ADGRL1: variants seen among roughly 807,000 people sequenced by gnomAD.
ADGRL1 encodes the protein adhesion G protein-coupled receptor L1.
ADGRL1 carries 31 observed loss-of-function variants against 148.9 expected under a neutral mutation model. The observed-to-expected ratio is 0.21, with a 90% CI of 0.16 to 0.28. ADGRL1 has a LOEUF of 0.28. Among genes scored for constraint, ADGRL1 ranks in the 10% least tolerant of loss-of-function variants. The pLI is 1.00. For missense variants in ADGRL1, 1,521 were observed against 2,058.8 expected, an observed-to-expected ratio of 0.74 and a Z score of 5.05; for synonymous variants, 937 against 900.3, an observed-to-expected ratio of 1.04 and a Z score of -0.73.
intron 2 of ADGRL1, among the ~76,000 whole-genome samples, chr19:14,180,327 C>G (rs911581990): frequency 6.6e-6 from 1 of 152,088 alleles, no homozygotes; most frequent in Non-Finnish European, 1.5e-5. Flanking sequence ...GCGATCTCAG[C>G]TCACTGCAAC....
rs1385157652 is a variant in ADGRL1, at chr19:14,162,546, G to A, written c.1195+60C>T. 33 of 1,475,540 alleles carry A rather than the reference G, an allele frequency of 2.2e-5. No individual in the cohort carries two copies. In the East Asian group the frequency reaches 7.1e-4, roughly 32 times the overall value. 91.4% of individuals were successfully genotyped at this position (1,475,540 alleles called of 1,614,324 possible). On this transcript the variant is annotated intron_variant, in intron 5 of 22. Coordinates refer to ENST00000361434, the MANE Select transcript of ADGRL1 (RefSeq NM_014921.5). The surrounding 1 kb of genome is among the most constrained non-coding windows in gnomAD (Gnocchi z 5.4). ...CTCCCCACTCTGGGACCCAGGGGTG[G>A]GTGGGGGTGGAGGGGACAAAGGCAA...
At chr19:14,163,488 GAGAGAGAGA>G (rs1380825501) in intron 4 of ADGRL1, 82 bp from the exon 5 acceptor site, 80 of 1,065,644 alleles carry the variant, frequency 7.5e-5, no homozygotes, top group Middle Eastern at 6.2e-4. Context: ...GAGAGAGAGA[GAGAGAGAGA>G]GGGGGGAGAG....
At chr19:14,200,801 A>G (rs1382318419) in intron 1 of ADGRL1, among the ~76,000 whole-genome samples, 3 of 151,724 alleles carry the variant, frequency 2.0e-5, no homozygotes, top group Non-Finnish European at 2.9e-5. Context: ...GTATTCTGTA[A>G]AGAAGGGGGT....
intron 1 of ADGRL1, among the ~76,000 whole-genome samples, chr19:14,195,996 C>T (rs1277116375): frequency 6.6e-6 from 1 of 152,120 alleles, no homozygotes; most frequent in Non-Finnish European, 1.5e-5. Context: ...CCAGCCCCGT[C>T]AGGTCCTGTG....
At position 14,150,725 on chromosome 19, in the gene ADGRL1, T is replaced by G; in HGVS notation, c.*148A>C. 1 of 944,960 alleles carries G rather than the reference T, an allele frequency of 1.1e-6. No homozygotes were observed. The highest frequency in any genetic ancestry group is 1.5e-6 in the Non-Finnish European group (1 of 647,974). The allele number at this position is 944,960 out of a possible 1,614,324, so 58.5% of individuals were successfully genotyped here. On this transcript the variant is annotated 3_prime_UTR_variant, in exon 23 of 23. Coordinates refer to ENST00000361434, the MANE Select transcript of ADGRL1 (RefSeq NM_014921.5). ...CTCAGGCCCCCAGGTTAGAGTCCCC[T>G]GAGGGGACTGTAGGGCCCATGGCTG... is the stretch of plus-strand genomic sequence containing the variant.
rs779402253 is a variant in ADGRL1, at chr19:14,156,932, C to T, written c.2959G>A (p.Glu987Lys). The stretch of plus-strand genomic sequence containing the variant: ...TGGGAGGTGGAAACTCACGCCTTCT[C>T]GGTGCCGTAGCTGCGGTAGTCAATG... The part of the protein sequence containing the change: ...AAIDYRSYGT[E>K]KACWLRVDNY... The change falls in exon 15 of 23, where the codon GAG becomes AAG. Residue 987 changes from glutamate to lysine, a missense_variant. Around this residue, in one of 8 missense-constraint regions of ADGRL1, gnomAD observed 185 missense variants for 251.7 expected, o/e 0.74. Transcript: ENST00000361434. The T allele has an allele frequency of 1.2e-6, 2 of 1,610,060 alleles. No individual in the cohort carries two copies. Among genetic ancestry groups the T allele is most frequent in the Non-Finnish European group, 1.7e-6 (2 of 1,179,608 alleles).
intron 4 of ADGRL1, 57 bp downstream of exon 4, chr19:14,170,625 T>C (rs923695620): frequency 1.9e-6 from 2 of 1,058,054 alleles, no homozygotes; most frequent in Admixed American, 3.8e-5. Context: ...AGGTGTCTCC[T>C]CCTCACTCAC....
At chr19:14,182,162 T>A (rs1971243633) in intron 2 of ADGRL1, among the ~76,000 whole-genome samples, 1 of 152,212 alleles carries the variant, frequency 6.6e-6, no homozygotes, top group Admixed American at 6.5e-5. Context: ...GAGAGGACAA[T>A]TCCCATCTCA....
intron 1 of ADGRL1, 27 bp downstream of exon 1, chr19:14,205,958 C>T (rs1360006069): frequency 6.6e-6 from 1 of 151,572 alleles, no homozygotes; most frequent in Non-Finnish European, 1.5e-5. Flanking sequence ...CGGCTTCGCC[C>T]CTCGCCCTGG....
rs1453725592 is a variant in ADGRL1 at position 14,159,316 on chromosome 19, G to A, written c.2023+85C>T. 14 of 1,572,746 alleles carry A rather than the reference G, an allele frequency of 8.9e-6. No individual in the cohort carries two copies. Among genetic ancestry groups the A allele is most frequent in the Middle Eastern group, 1.7e-4 (1 of 5,844 alleles). ...GACTCTGGCAAGATGCCCAAGGGTC[G>A]GATAGCCCCCCTGTGGCCTCCAGGC... is the stretch of plus-strand genomic sequence containing the variant. On this transcript the variant is annotated intron_variant, in intron 10 of 22. Coordinates refer to ENST00000361434, the MANE Select transcript of ADGRL1 (RefSeq NM_014921.5). This position sits in a 1 kb window ranked among gnomAD's most constrained non-coding sequence, Gnocchi z 6.0.
At chr19:14,180,401 G>A (rs1971108351) in intron 2 of ADGRL1, among the ~76,000 whole-genome samples, 2 of 150,184 alleles carry the variant, frequency 1.3e-5, no homozygotes, top group African/African-American at 4.9e-5. Flanking sequence ...GATTACAGGC[G>A]CCTGCCACCA....
chr19:14,170,805 A>G lies in ADGRL1; in HGVS notation c.285-14T>C, dbSNP rs752088391. 2.2e-6 allele frequency: 3 copies of G among 1,372,990 alleles called. No individual in the cohort carries two copies. The highest frequency in any genetic ancestry group is 3.4e-5 in the Admixed American group (2 of 58,540). 85.1% of individuals were successfully genotyped at this position (1,372,990 alleles called of 1,614,324 possible). ...CGGTTGTTACACCTTCAGAGGAGAA[A>G]CAGGGCATTGGGAAAGAAACACATA... is the stretch of plus-strand genomic sequence containing the variant. On this transcript the variant is annotated splice_polypyrimidine_tract_variant and intron_variant, in intron 3 of 22. Coordinates refer to ENST00000361434, the MANE Select transcript of ADGRL1 (RefSeq NM_014921.5).
chr19:14,201,325 G>GT (rs552719407), intron 1 of ADGRL1, among the ~76,000 whole-genome samples: 1 of 143,984 alleles, frequency 6.9e-6, no homozygotes, highest in African/African-American at 2.6e-5. Flanking sequence ...GGCGGGGTGG[G>GT]GGGGGGCAAG....
chr19:14,159,708 CT>C lies in ADGRL1; in HGVS notation c.1839+26del. The C allele has an allele frequency of 6.2e-7, 1 of 1,612,250 alleles. No homozygotes were observed. The highest frequency in any genetic ancestry group is 8.5e-7 in the Non-Finnish European group (1 of 1,178,440). On this transcript the variant is annotated intron_variant, in intron 9 of 22. Coordinates refer to ENST00000361434, the MANE Select transcript of ADGRL1 (RefSeq NM_014921.5). This position sits in a 1 kb window ranked among gnomAD's most constrained non-coding sequence, Gnocchi z 6.0. The stretch of plus-strand genomic sequence containing the variant: ...CCCCCATCAGCTGGAGCCCACGGTC[CT>C]TACACTGGGACCCCCTGGGTCTCAC...
intron 2 of ADGRL1, among the ~76,000 whole-genome samples, chr19:14,180,365 C>T (rs1456908945): frequency 6.6e-6 from 1 of 152,164 alleles, no homozygotes; most frequent in Non-Finnish European, 1.5e-5. Flanking sequence ...AAGCGATTCT[C>T]CTGCCTCAGC....
At chr19:14,187,911 C>T (rs1331299201) in intron 1 of ADGRL1, among the ~76,000 whole-genome samples, 1 of 151,936 alleles carries the variant, frequency 6.6e-6, no homozygotes, top group Non-Finnish European at 1.5e-5. Flanking sequence ...AACAGGCATC[C>T]GAGCAGAGGA....
At chr19:14,179,480 C>T (rs1042953538) in intron 2 of ADGRL1, among the ~76,000 whole-genome samples, 3 of 151,320 alleles carry the variant, frequency 2.0e-5, no homozygotes, top group Non-Finnish European at 4.4e-5. Context: ...GGCGACAGAG[C>T]GAGACTCCAT....
At chr19:14,170,594 G>T in intron 4 of ADGRL1, 88 bp downstream of exon 4, 2 of 761,252 alleles carry the variant, frequency 2.6e-6, no homozygotes, top group South Asian at 1.6e-5. Context: ...CCATGCATGT[G>T]TGCACATGTG....
chr19:14,163,458 A>AGAGGGAG, intron 4 of ADGRL1, 52 bp from the exon 5 acceptor site: 1 of 1,125,082 alleles, frequency 8.9e-7, no homozygotes, highest in African/African-American at 1.9e-5. Flanking sequence ...GGCAGAGGCG[A>AGAGGGAG]GAGGGAGGAG....
Sources: allele counts gnomAD v4.1 joint callset (sites outside exome capture counted in the v4.1 genomes callset), GRCh38; gene constraint gnomAD v4.1.1; regional missense constraint gnomAD v4.1.1; non-coding constraint Gnocchi (gnomAD v3.1); transcripts MANE v1.5; gene names NCBI Gene and HGNC (gene_info 2026-07-23, HGNC 2026-07-21).